Variants in ATP10A observed in about 807,000 individuals in gnomAD.
ATP10A encodes ATPase phospholipid transporting 10A (putative).
A neutral mutation model predicts 147.8 loss-of-function variants in ATP10A; 111 were observed. The ratio of observed to expected loss-of-function variants is 0.75; its 90% CI spans 0.64 to 0.88. ATP10A has a LOEUF of 0.88. Ranked by LOEUF, ATP10A falls within the 40% of genes least tolerant of loss-of-function variation. The pLI, the probability that ATP10A is intolerant of heterozygous loss-of-function variation, is 0.00. For synonymous variants in ATP10A, 875 were observed against 841.6 expected (o/e 1.04, Z -0.69); for missense variants, 1,927 against 1,959.0 (o/e 0.98, Z 0.31).
intron 1 of ATP10A, among the ~76,000 whole-genome samples, chr15:25,856,970 A>G (rs11631375): frequency 0.46 from 70,111 of 152,156 alleles, 19,890 homozygotes; most frequent in Non-Finnish European, 0.6. Flanking sequence ...GCAAGGGAAA[A>G]AAAGAAAGAG....
chr15:25,720,213 G>T (rs900580287), intron 7 of ATP10A, among the ~76,000 whole-genome samples: 2 of 152,146 alleles, frequency 1.3e-5, no homozygotes, highest in African/African-American at 4.8e-5. Flanking sequence ...TACATTCATG[G>T]GGTGCAATGT....
intron 1 of ATP10A, among the ~76,000 whole-genome samples, chr15:25,855,980 T>C (rs1235022624): frequency 6.6e-6 from 1 of 152,230 alleles, no homozygotes; most frequent in Non-Finnish European, 1.5e-5. Context: ...TCTTGGTTTT[T>C]GAAAATTATA....
At chr15:25,707,730 T>A (rs1350333104) in intron 12 of ATP10A, among the ~76,000 whole-genome samples, 1 of 152,148 alleles carries the variant, frequency 6.6e-6, no homozygotes, top group Admixed American at 6.5e-5. Flanking sequence ...GGAAACCAGG[T>A]TAAGGGGAAG....
At chr15:25,721,958 C>G (rs774076833) in intron 6 of ATP10A, 49 bp from the exon 7 acceptor site, 4 of 1,562,232 alleles carry the variant, frequency 2.6e-6, no homozygotes, top group African/African-American at 1.4e-5. Flanking sequence ...GACCAGGGAG[C>G]TGGGGAATTA....
chr15:25,821,270 T>TC, intron 1 of ATP10A, among the ~76,000 whole-genome samples: 1 of 151,974 alleles, frequency 6.6e-6, no homozygotes, highest in East Asian at 1.9e-4. Context: ...GAGCCTGTGG[T>TC]CCCAGCTACT....
At chr15:25,787,719 T>C (rs573214048) in intron 1 of ATP10A, among the ~76,000 whole-genome samples, 5 of 151,532 alleles carry the variant, frequency 3.3e-5, no homozygotes, top group South Asian at 4.2e-4. Context: ...AGACATGGAG[T>C]AACACAGTTC....
In ATP10A at chr15:25,742,189, G is replaced by A. The variant is rs1192394126; in HGVS notation, c.655-6048C>T. Among the ~76,000 whole-genome samples the A allele has an allele frequency of 3.9e-5, 6 of 152,242 alleles. No homozygotes were observed. In the South Asian group the frequency reaches 1.0e-3, roughly 26 times the overall value. On this transcript the variant is annotated intron_variant, in intron 2 of 20. Coordinates refer to ENST00000555815, the MANE Select transcript of ATP10A (RefSeq NM_024490.4). ...TGCGTCCCTGCCTGACGTGGTTCTC[G>A]TCTCCACGGTGACAAGCTGACAGGG...
chr15:25,741,687 C>T (rs975519786), intron 2 of ATP10A, among the ~76,000 whole-genome samples: 2 of 152,144 alleles, frequency 1.3e-5, no homozygotes, highest in East Asian at 1.9e-4. Flanking sequence ...GCAGATGGCC[C>T]GATCCCAATA....
At chr15:25,694,340 C>T (rs955669700) in intron 14 of ATP10A, among the ~76,000 whole-genome samples, 1 of 152,278 alleles carries the variant, frequency 6.6e-6, no homozygotes, top group Non-Finnish European at 1.5e-5. Flanking sequence ...ACCATCAGCA[C>T]AGCTGACAGG....
intron 10 of ATP10A, chr15:25,709,646 G>A (rs1171628259): frequency 6.6e-6 from 1 of 152,248 alleles, no homozygotes; most frequent in Non-Finnish European, 1.5e-5. Flanking sequence ...TGGACAATGG[G>A]GTGTTTCTTT....
chr15:25,834,021 T>C (rs1269379235), intron 1 of ATP10A, among the ~76,000 whole-genome samples: 1 of 152,090 alleles, frequency 6.6e-6, no homozygotes, highest in East Asian at 1.9e-4. Flanking sequence ...TCAGCAAGTA[T>C]ACAATACATT....
chr15:25,803,233 G>T (rs144445223), intron 1 of ATP10A, among the ~76,000 whole-genome samples: 139 of 152,288 alleles, frequency 9.1e-4, no homozygotes, highest in Non-Finnish European at 1.5e-3. Flanking sequence ...GGGCACTTCC[G>T]CCACACCGTC....
rs1899213955 is a variant in ATP10A, at chr15:25,679,034, C to T, written c.*307G>A. On this transcript the variant is annotated 3_prime_UTR_variant, in exon 21 of 21. Transcript: ENST00000555815. ...CACATTTGTACTCAGTGCGCAGTCA[C>T]ACATGTTGAAGAAAACAAATCGTAC... is the stretch of plus-strand genomic sequence containing the variant. The T allele has an allele frequency of 6.4e-6, 1 of 156,806 alleles. No individual in the cohort carries two copies. The highest frequency in any genetic ancestry group is 2.4e-5 in the African/African-American group (1 of 41,562). The allele number at this position is 156,806 out of a possible 1,614,324, so 9.7% of individuals were successfully genotyped here. A position where few individuals can be genotyped will look rare whatever the true frequency, so the allele number is the denominator to read the frequency against.
intron 1 of ATP10A, 131 bp downstream of exon 1, chr15:25,862,517 C>A (rs1893808965): frequency 8.8e-7 from 1 of 1,131,098 alleles, no homozygotes; most frequent in Admixed American, 2.7e-5. Context: ...CCCGCGCAGC[C>A]GGGCCCTCCA....
At chr15:25,787,611 TAAAAAAA>T (rs745619844) in intron 1 of ATP10A, among the ~76,000 whole-genome samples, 9 of 90,040 alleles carry the variant, frequency 1.0e-4, no homozygotes, top group African/African-American at 2.2e-4. Flanking sequence ...GACTCCTTCT[TAAAAAAA>T]AAAAAAAAAA....
chr15:25,718,973 T>C (rs988020914), intron 7 of ATP10A, among the ~76,000 whole-genome samples: 6 of 152,206 alleles, frequency 3.9e-5, no homozygotes, highest in Admixed American at 6.5e-5. Flanking sequence ...TTGACTGTGA[T>C]GTTGCCCTGC....
intron 12 of ATP10A, among the ~76,000 whole-genome samples, chr15:25,705,532 A>T (rs983632756): frequency 6.6e-6 from 1 of 151,670 alleles, no homozygotes; most frequent in African/African-American, 2.4e-5. Flanking sequence ...GGCTGGCTTC[A>T]CTTTTCTTAA....
At chr15:25,712,735 C>G (rs1193124835) in intron 10 of ATP10A, among the ~76,000 whole-genome samples, 1 of 152,116 alleles carries the variant, frequency 6.6e-6, no homozygotes, top group East Asian at 1.9e-4. Context: ...CGGTGGTCAT[C>G]ATCATGGAAG....
rs939795888 is a variant in ATP10A at position 25,736,049 on chromosome 15, T to C, written c.740+7A>G. On this transcript the variant is annotated splice_region_variant and intron_variant, in intron 3 of 20. Transcript: ENST00000555815. ...AGGATGCGCGCAGGCAGACACACGA[T>C]ACTCACATGCAGCCGCGAAACCTAC... The C allele has an allele frequency of 2.6e-5, 42 of 1,609,282 alleles. No homozygotes were observed. The highest frequency in any genetic ancestry group is 1.7e-6 in the Non-Finnish European group (2 of 1,175,748).
Sources: allele counts gnomAD v4.1 joint callset (sites outside exome capture counted in the v4.1 genomes callset), GRCh38; gene constraint gnomAD v4.1.1; transcripts MANE v1.5; gene names NCBI Gene and HGNC (gene_info 2026-07-23, HGNC 2026-07-21).